SMC2: variants seen among roughly 807,000 people sequenced by gnomAD.
The protein encoded by SMC2 is structural maintenance of chromosomes 2, also known as structural maintenance of chromosomes protein 2.
A neutral mutation model predicts 142.6 loss-of-function variants in SMC2; 41 were observed. The observed-to-expected ratio is 0.29, with a 90% CI of 0.22 to 0.37. The LOEUF (loss-of-function observed/expected upper bound fraction) is 0.37, where lower values mean the gene tolerates loss of function less well. Among genes scored for constraint, SMC2 ranks in the 10% least tolerant of loss-of-function variants. The probability of loss-of-function intolerance (pLI) is 1.00; values close to 1 mark genes in which losing one functional copy is unlikely to be tolerated. For missense variants in SMC2, 1,265 were observed against 1,373.7 expected (o/e 0.92, Z 1.25); for synonymous variants, 463 against 457.5 (o/e 1.01, Z -0.15).
chr9:104,131,318 T>A (rs1329411891), intron 21 of SMC2, among the ~76,000 whole-genome samples: 3 of 152,078 alleles, frequency 2.0e-5, no homozygotes, highest in Non-Finnish European at 4.4e-5. Context: ...TCAAAGGAGC[T>A]GTAAAAGACC....
At chr9:104,091,418 T>C (rs1829980311), upstream of SMC2, among the ~76,000 whole-genome samples, 1 of 152,214 alleles carries the variant, frequency 6.6e-6, no homozygotes, top group Admixed American at 6.5e-5. Context: ...ATTATAATCT[T>C]AAGGGACCAC....
At chr9:104,125,903 G>A (rs1032634565) in intron 18 of SMC2, among the ~76,000 whole-genome samples, 4 of 151,820 alleles carry the variant, frequency 2.6e-5, no homozygotes, top group African/African-American at 4.8e-5. Flanking sequence ...TAAGATTCTT[G>A]TCATTAAATA....
intron 3 of SMC2, 49 bp downstream of exon 3, chr9:104,096,346 T>A: frequency 6.3e-7 from 1 of 1,585,222 alleles, no homozygotes; most frequent in Non-Finnish European, 8.6e-7. Context: ...TTATGTCTGA[T>A]GTGGTTTTTG....
chr9:104,127,175 C>G (rs1254897385), intron 19 of SMC2, 111 bp from the exon 20 acceptor site: 1 of 745,156 alleles, frequency 1.3e-6, no homozygotes, highest in Non-Finnish European at 2.1e-6. Context: ...CATCTCTCTG[C>G]CTGTAATCAC....
Position 104,129,688 on chromosome 9 carries a change from G to C in SMC2, c.2834G>C (p.Arg945Thr), listed in dbSNP as rs1473065330. The C allele has an allele frequency of 2.5e-6, 4 of 1,614,000 alleles. No homozygotes were observed. Among genetic ancestry groups the C allele is most frequent in the Non-Finnish European group, 3.4e-6 (4 of 1,179,958 alleles). The change falls in exon 21 of 25, where the codon AGA (arginine) becomes ACA (threonine). Residue 945 changes from arginine to threonine, a missense_variant. Transcript: ENST00000374793. ...LKDYDWINAE[R>T]HLFGQPNSAY... is the part of the protein sequence containing the mutation. ...GATTATGACTGGATTAATGCAGAGA[G>C]ACACCTCTTTGGCCAACCCAATAGT...
At chr9:104,095,195 C>T (rs1018205759) in intron 1 of SMC2, 129 bp from the exon 2 acceptor site, 3 of 541,330 alleles carry the variant, frequency 5.5e-6, no homozygotes, top group Non-Finnish European at 6.5e-6. Context: ...GATGTCTTTA[C>T]ATCAGACAAG....
intron 15 of SMC2, 29 bp downstream of exon 15, chr9:104,118,404 A>G (rs779297149): frequency 3.2e-6 from 5 of 1,573,578 alleles, no homozygotes; most frequent in Non-Finnish European, 4.4e-6. Context: ...TCTCCTCACA[A>G]TTCTTTGTGG....
chr9:104,133,082 T>A (rs1376925119), intron 22 of SMC2, among the ~76,000 whole-genome samples: 1 of 152,184 alleles, frequency 6.6e-6, no homozygotes, highest in Non-Finnish European at 1.5e-5. Context: ...GCTTCAGGCT[T>A]ACTTGATTGA....
chr9:104,121,819 C>T (rs1049806603), intron 16 of SMC2, among the ~76,000 whole-genome samples: 32 of 152,196 alleles, frequency 2.1e-4, no homozygotes, highest in East Asian at 1.9e-4. Flanking sequence ...GAGTCTCACT[C>T]GTCCAGGCTG....
intron 9 of SMC2, among the ~76,000 whole-genome samples, chr9:104,108,412 T>G (rs557483034): frequency 1.3e-5 from 2 of 152,150 alleles, no homozygotes; most frequent in Non-Finnish European, 2.9e-5. Flanking sequence ...TCCTGGACTT[T>G]CCATATACTC....
intron 16 of SMC2, 59 bp from the exon 17 acceptor site, chr9:104,123,049 G>GT: frequency 6.5e-7 from 1 of 1,542,794 alleles, no homozygotes; most frequent in Non-Finnish European, 8.8e-7. Context: ...AAGTTTGAAT[G>GT]TATTTCTCAA....
chr9:104,119,047 A>G lies in SMC2; in HGVS notation c.1996+672A>G, dbSNP rs1238820204. Among the ~76,000 whole-genome samples, 3 of 152,252 alleles carry G rather than the reference A, an allele frequency of 2.0e-5. No individual in the cohort carries two copies. In the East Asian group the frequency reaches 5.8e-4, roughly 29 times the overall value. ...CTGAATCCCAGCAGTCTGATTTCAT[A>G]GTTTGTGTTTTTAACCCAGTAGACG... On this transcript the variant is annotated intron_variant, in intron 15 of 24. Transcript: ENST00000374793.
chr9:104,112,685 A>C (rs12551241), intron 10 of SMC2, among the ~76,000 whole-genome samples: 1 of 152,170 alleles, frequency 6.6e-6, no homozygotes, highest in Non-Finnish European at 1.5e-5. Flanking sequence ...ATCATTATAC[A>C]GTTTTGGAGG....
intron 9 of SMC2, among the ~76,000 whole-genome samples, chr9:104,109,595 C>T (rs77180183): frequency 0.057 from 8,620 of 152,138 alleles, 644 homozygotes; most frequent in African/African-American, 0.18. Flanking sequence ...CCGAATTACG[C>T]GTATGCTGTA....
rs537145645 is a variant in SMC2 at position 104,122,990 on chromosome 9, A to G, written c.2133-118A>G. 4 of 1,006,958 alleles carry G rather than the reference A, an allele frequency of 4.0e-6. No individual in the cohort carries two copies. In the East Asian group the frequency reaches 8.7e-5, roughly 22 times the overall value. The allele number at this position is 1,006,958 out of a possible 1,614,324, so 62.4% of individuals were successfully genotyped here. ...CAAAATTATTCCTGTAACCAGTAGCATCTTATATTGTTTATAACGTATGTG... is the reference window on the plus strand; with the variant it reads ...CAAAATTATTCCTGTAACCAGTAGCGTCTTATATTGTTTATAACGTATGTG... On this transcript the variant is annotated intron_variant, in intron 16 of 24. Transcript: ENST00000374793.
At chr9:104,089,434 C>T (rs556092863), upstream of SMC2, among the ~76,000 whole-genome samples, 20 of 152,064 alleles carry the variant, frequency 1.3e-4, no homozygotes, top group African/African-American at 3.4e-4. Flanking sequence ...AACAATGGAC[C>T]ACCATGCCAA....
At chr9:104,124,735 A>G (rs1439931759) in intron 17 of SMC2, among the ~76,000 whole-genome samples, 177 bp from the exon 18 acceptor site, 1 of 152,138 alleles carries the variant, frequency 6.6e-6, no homozygotes, top group African/African-American at 2.4e-5. Context: ...AGATAATTCA[A>G]GTATGGCTTT....
At chr9:104,123,904 A>C (rs1833993587) in intron 17 of SMC2, among the ~76,000 whole-genome samples, 1 of 152,112 alleles carries the variant, frequency 6.6e-6, no homozygotes, top group Admixed American at 6.6e-5. Context: ...GGTAGTTTAA[A>C]TTTTTGTCAT....
chr9:104,137,582 T>TACATTATGCACGTTTATGTAAGTGTG (rs1564123147), intron 23 of SMC2, among the ~76,000 whole-genome samples: 7 of 152,080 alleles, frequency 4.6e-5, no homozygotes, highest in African/African-American at 1.4e-4. Flanking sequence ...ATGTAAGTGT[T>TACATTATGCACGTTTATGTAAGTGTG]TACATTATGA....
Sources: allele counts gnomAD v4.1 joint callset (sites outside exome capture counted in the v4.1 genomes callset), GRCh38; gene constraint gnomAD v4.1.1; transcripts MANE v1.5; gene names NCBI Gene and HGNC (gene_info 2026-07-23, HGNC 2026-07-21).